Variants in MTUS2 observed in about 807,000 individuals in gnomAD.
MTUS2 encodes microtubule-associated tumor suppressor candidate 2.
MTUS2 carries 40 observed loss-of-function variants against 114.1 expected under a neutral mutation model. That is an observed-to-expected ratio of 0.35 (90% CI 0.27 to 0.46). The LOEUF (loss-of-function observed/expected upper bound fraction) is 0.46. Ranked by LOEUF, MTUS2 falls within the 20% of genes least tolerant of loss-of-function variation. The pLI, the probability that MTUS2 is intolerant of heterozygous loss-of-function variation, is 1.00. For missense variants in MTUS2, 1,679 were observed against 1,705.4 expected (o/e 0.98, Z 0.27); for synonymous variants, 688 against 672.0 (o/e 1.02, Z -0.37).
At chr13:29,216,437 G>A (rs991367980) in intron 5 of MTUS2, among the ~76,000 whole-genome samples, 22 of 152,172 alleles carry the variant, frequency 1.4e-4, no homozygotes, top group African/African-American at 4.3e-4. Context: ...AGAAACTCCC[G>A]CAGCTAGCTC....
intron 2 of MTUS2, among the ~76,000 whole-genome samples, chr13:28,953,829 T>G (rs942851742): frequency 2.6e-5 from 4 of 152,160 alleles, no homozygotes; most frequent in Non-Finnish European, 4.4e-5. Flanking sequence ...ATGGGGCAAG[T>G]AAGAGGACCA....
chr13:29,387,944 A>G (rs1190956814), intron 8 of MTUS2, among the ~76,000 whole-genome samples: 1 of 152,188 alleles, frequency 6.6e-6, no homozygotes, highest in Non-Finnish European at 1.5e-5. Flanking sequence ...ACAACTAGAT[A>G]TCCAGCACAT....
At chr13:29,488,071 G>GT in intron 11 of MTUS2, 66 bp downstream of exon 11, 1 of 1,209,756 alleles carries the variant, frequency 8.3e-7, no homozygotes, top group South Asian at 1.2e-5. Context: ...TCCTGCTGCA[G>GT]ATGTGTGGAG....
In MTUS2 at chr13:28,832,632, A is replaced by AAT. The variant is rs202097708; in HGVS notation, c.-315-7138_-315-7137dup. Among the ~76,000 whole-genome samples the AAT allele has an allele frequency of 1.1e-3, 167 of 148,606 alleles. 4 individuals carry two copies. The East Asian group carries it at 0.032, about 28-fold the overall frequency. On this transcript the variant is annotated intron_variant, in intron 1 of 15. Coordinates refer to ENST00000612955, the MANE Select transcript of MTUS2 (RefSeq NM_001033602.4). ...ACTAAATAAGTATGCTAAATATATA[A>AAT]ATATATATAATATGACAATATATTA... is the stretch of plus-strand genomic sequence containing the variant.
intron 2 of MTUS2, among the ~76,000 whole-genome samples, chr13:29,012,015 A>G (rs1885865592): frequency 6.6e-6 from 1 of 152,072 alleles, no homozygotes; most frequent in Non-Finnish European, 1.5e-5. Context: ...CTGTAAGTGA[A>G]CCTCACTTCA....
chr13:29,095,459 A>G (rs995369588), intron 4 of MTUS2, among the ~76,000 whole-genome samples: 4 of 152,002 alleles, frequency 2.6e-5, no homozygotes, highest in African/African-American at 9.7e-5. Flanking sequence ...ACTTCTTACT[A>G]TGGTGTATCT....
At chr13:29,223,601 G>A (rs1052773365) in intron 5 of MTUS2, among the ~76,000 whole-genome samples, 4 of 152,144 alleles carry the variant, frequency 2.6e-5, no homozygotes, top group Admixed American at 6.5e-5. Context: ...TCTTTGTCTG[G>A]CTCACCCTCC....
At chr13:28,994,156 G>GT (rs1182604791) in intron 2 of MTUS2, among the ~76,000 whole-genome samples, 1 of 152,032 alleles carries the variant, frequency 6.6e-6, no homozygotes, top group Non-Finnish European at 1.5e-5. Context: ...GCAGTGTTTG[G>GT]TTTTTTGTCC....
In MTUS2 at chr13:29,078,710, A is replaced by G. The variant is rs569943543; in HGVS notation, c.2447-22063A>G. Among the ~76,000 whole-genome samples, 172 of 152,332 alleles carry G rather than the reference A, an allele frequency of 1.1e-3. 1 individual carries two copies. Among genetic ancestry groups the G allele is most frequent in the African/African-American group, 4.0e-3 (168 of 41,582 alleles). On this transcript the variant is annotated intron_variant, in intron 4 of 15. Transcript: ENST00000612955. The stretch of plus-strand genomic sequence containing the variant: ...CTATTTTGGGCATTTCGTGTAATGG[A>G]ATCATATAATATGTGGCCTTTCAAA...
intron 6 of MTUS2, among the ~76,000 whole-genome samples, chr13:29,301,926 G>A (rs1899221002): frequency 6.6e-6 from 1 of 152,122 alleles, no homozygotes; most frequent in Non-Finnish European, 1.5e-5. Flanking sequence ...TCCTCACCTG[G>A]TAGAAGGTGC....
chr13:29,350,041 T>C (rs1869090914), intron 7 of MTUS2, among the ~76,000 whole-genome samples: 1 of 152,184 alleles, frequency 6.6e-6, no homozygotes, highest in African/African-American at 2.4e-5. Context: ...CAAAGTGATA[T>C]TCTGTTCATT....
chr13:29,464,483 C>A (rs1879748871), intron 9 of MTUS2, among the ~76,000 whole-genome samples: 1 of 152,204 alleles, frequency 6.6e-6, no homozygotes, highest in Admixed American at 6.5e-5. Flanking sequence ...GCCCTCTGCT[C>A]TGTTTTTAAG....
intron 5 of MTUS2, among the ~76,000 whole-genome samples, chr13:29,241,463 C>T (rs563045905): frequency 8.5e-5 from 13 of 152,232 alleles, no homozygotes; most frequent in Admixed American, 3.9e-4. Context: ...TCTAGCACAA[C>T]GCCAGCACAC....
intron 4 of MTUS2, among the ~76,000 whole-genome samples, chr13:29,071,446 G>C (rs1325340168): frequency 1.9e-5 from 1 of 51,414 alleles, no homozygotes; most frequent in Non-Finnish European, 3.1e-5. Flanking sequence ...TTTTTTTTGA[G>C]ACAGAGTCTC....
At chr13:29,332,880 G>A (rs190845171) in intron 7 of MTUS2, among the ~76,000 whole-genome samples, 12 of 152,004 alleles carry the variant, frequency 7.9e-5, no homozygotes, top group Admixed American at 2.0e-4. Flanking sequence ...CGTGATCTGC[G>A]CGTCTCGGCC....
chr13:29,029,989 C>T lies in MTUS2; in HGVS notation c.2205+3086C>T, dbSNP rs1191979687. On this transcript the variant is annotated intron_variant, in intron 3 of 15. Coordinates refer to ENST00000612955, the MANE Select transcript of MTUS2 (RefSeq NM_001033602.4). Reference sequence around the variant, plus strand: ...CAAGCCAACCATATCCAAACCATAGCCAGAGCCTAGATTTTTCTCTATAAA... The same window carrying T: ...CAAGCCAACCATATCCAAACCATAGTCAGAGCCTAGATTTTTCTCTATAAA... Among the ~76,000 whole-genome samples the T allele has an allele frequency of 2.0e-5, 3 of 152,176 alleles. No individual in the cohort carries two copies. In the East Asian group the frequency reaches 5.8e-4, roughly 29 times the overall value.
chr13:28,882,853 G>A (rs1174443322), intron 2 of MTUS2, among the ~76,000 whole-genome samples: 1 of 152,186 alleles, frequency 6.6e-6, no homozygotes, highest in Non-Finnish European at 1.5e-5. Context: ...AGCAAAAAGA[G>A]GATGAAAAGA....
Position 28,901,508 on chromosome 13 carries a change from C to A in MTUS2, c.-243+61658C>A, listed in dbSNP as rs551888799. On this transcript the variant is annotated intron_variant, in intron 2 of 15. Transcript: ENST00000612955. ...TTTTCAGGTCTCACATGTAAGTAGT[C>A]CATGATCCTTTTTGAGTTAATTTTT... Among the ~76,000 whole-genome samples the A allele has an allele frequency of 2.6e-5, 4 of 152,214 alleles. 1 individual carries two copies. The South Asian group carries it at 8.3e-4, about 32-fold the overall frequency.
chr13:29,162,064 T>A (rs556144200), intron 5 of MTUS2, among the ~76,000 whole-genome samples: 1 of 152,290 alleles, frequency 6.6e-6, no homozygotes, highest in South Asian at 2.1e-4. Context: ...ACTTCAAAAT[T>A]TAGCATCCCT....
Sources: gnomAD v4.1 joint callset for allele counts (sites outside exome capture counted in the v4.1 genomes callset) on GRCh38, gnomAD v4.1.1 for gene constraint, MANE v1.5 for transcripts, NCBI Gene and HGNC (gene_info 2026-07-23, HGNC 2026-07-21) for gene names.